LRRK1: variants seen among roughly 807,000 people sequenced by gnomAD.
LRRK1 encodes leucine rich repeat kinase 1, also known as leucine-rich repeat serine/threonine-protein kinase 1.
A neutral mutation model predicts 209.1 loss-of-function variants in LRRK1; 113 were observed. The observed-to-expected ratio is 0.54, with a 90% CI of 0.46 to 0.63. The LOEUF (loss-of-function observed/expected upper bound fraction) is 0.63. LRRK1 is among the 30% of genes least tolerant of loss of function. The pLI is 0.00. For synonymous variants in LRRK1, 1,144 were observed against 1,099.7 expected, an observed-to-expected ratio of 1.04 and a Z score of -0.80; for missense variants, 2,284 against 2,632.2, an observed-to-expected ratio of 0.87 and a Z score of 2.89.
chr15:100,996,078 G>A (rs1567221592), intron 6 of LRRK1, among the ~76,000 whole-genome samples: 1 of 152,254 alleles, frequency 6.6e-6, no homozygotes, highest in Non-Finnish European at 1.5e-5. Flanking sequence ...CTGAGCCAGG[G>A]CTGCGTGCTC....
rs2033479355 is a variant in LRRK1 at position 101,015,307 on chromosome 15, C to G, written c.1533-19C>G. The G allele has an allele frequency of 6.2e-7, 1 of 1,605,948 alleles. No individual in the cohort carries two copies. Among genetic ancestry groups the G allele is most frequent in the Admixed American group, 1.7e-5 (1 of 59,822 alleles). ...TTGTCGTGCTGTCCTCAAATTTTGT[C>G]TCTTTTTCCTCCCCCCAGAAATGAA... On this transcript the variant is annotated intron_variant, in intron 11 of 33. Coordinates refer to ENST00000388948, the MANE Select transcript of LRRK1 (RefSeq NM_024652.6).
chr15:101,030,746 GT>G (rs778004970), intron 20 of LRRK1, among the ~76,000 whole-genome samples: 1 of 152,148 alleles, frequency 6.6e-6, no homozygotes, highest in Non-Finnish European at 1.5e-5. Context: ...ACCTGCTTCT[GT>G]TTTTGTTTGT....
At chr15:101,056,791 G>A in intron 27 of LRRK1, 65 bp from the exon 28 acceptor site, 1 of 1,364,262 alleles carries the variant, frequency 7.3e-7, no homozygotes, top group Non-Finnish European at 1.0e-6. Context: ...CCCTCCACCT[G>A]AGGGCCACCT....
intron 20 of LRRK1, among the ~76,000 whole-genome samples, chr15:101,029,607 C>T (rs562345828): frequency 4.2e-4 from 64 of 152,208 alleles, no homozygotes; most frequent in Middle Eastern, 3.4e-3. Flanking sequence ...GTGGCTCACA[C>T]CTTTAATCCC....
intron 2 of LRRK1, among the ~76,000 whole-genome samples, chr15:100,967,400 T>C (rs984031261): frequency 9.2e-5 from 14 of 152,196 alleles, no homozygotes; most frequent in African/African-American, 3.4e-4. Context: ...TGGTCATCCA[T>C]TTACTTGGAT....
Position 101,021,168 on chromosome 15 carries a change from G to A in LRRK1, c.1725G>A (p.Glu575=). The A allele has an allele frequency of 6.2e-7, 1 of 1,614,030 alleles. No individual in the cohort carries two copies. Among genetic ancestry groups the A allele is most frequent in the Non-Finnish European group, 8.5e-7 (1 of 1,179,950 alleles). ...TTTGCCTACTGAAGAGCTTATCAGA[G>A]CTCTACTTGGGAAAGTAAGTACACA... The part of the protein sequence containing the change: ...PSVCLLKSLS[E]LYLGNNPGLR... The change falls in exon 13 of 34, where the codon GAG becomes GAA. Residue 575 remains glutamate, a synonymous_variant. Coordinates refer to ENST00000388948, the MANE Select transcript of LRRK1 (RefSeq NM_024652.6).
At chr15:100,987,449 A>G (rs2031934494) in intron 4 of LRRK1, among the ~76,000 whole-genome samples, 2 of 152,304 alleles carry the variant, frequency 1.3e-5, no homozygotes, top group African/African-American at 2.4e-5. Context: ...GCCCCCGTCA[A>G]TTCAATGTGC....
chr15:101,058,796 A>AACTC (rs1164467717), intron 29 of LRRK1, among the ~76,000 whole-genome samples: 10 of 151,918 alleles, frequency 6.6e-5, no homozygotes, highest in African/African-American at 2.4e-4. Flanking sequence ...TTAAAAAAAA[A>AACTC]ACTCAAGAGT....
At position 101,065,614 on chromosome 15, in the gene LRRK1, G is replaced by A. The variant is rs779753081; in HGVS notation, c.5177G>A (p.Arg1726Gln). The A allele has an allele frequency of 8.7e-6, 14 of 1,614,176 alleles. No homozygotes were observed. The highest frequency in any genetic ancestry group is 1.7e-5 in the Admixed American group (1 of 60,014). ...TGTGCCTCCCTGGAGATCTGCAGGC[G>A]GCTGGAGCCCTACATGGCCCCCTCC... ...IDCASLEICR[R>Q]LEPYMAPSMV... The change falls in exon 32 of 34, where the codon CGG becomes CAG. Residue 1726 changes from arginine (R) to glutamine (Q), a missense_variant. By Grantham distance (43) the Arg-to-Gln change is conservative. This residue lies in a region of LRRK1 where 643 missense variants were observed against 695.9 expected (regional missense o/e 0.92). Transcript: ENST00000388948.
intron 1 of LRRK1, among the ~76,000 whole-genome samples, chr15:100,923,673 G>A (rs750019342): frequency 2.0e-5 from 3 of 152,212 alleles, no homozygotes; most frequent in South Asian, 2.1e-4. Flanking sequence ...GCATAGAAGA[G>A]CAGCACTTGG....
chr15:100,950,733 ATTAT>A (rs1381876511), intron 2 of LRRK1, among the ~76,000 whole-genome samples: 2 of 152,226 alleles, frequency 1.3e-5, no homozygotes, highest in Admixed American at 1.3e-4. Flanking sequence ...ATATTTCCAA[ATTAT>A]TTATCTTTAA....
Position 100,944,819 on chromosome 15 carries a change from G to A in LRRK1, c.97+20090G>A, listed in dbSNP as rs56144836. On this transcript the variant is annotated intron_variant, in intron 2 of 33. Transcript: ENST00000388948. ...CTTTAGTTGTTTGAAAATGTCATAC[G>A]GTCTTATGGTTCAAAAATCATAAGT... is the stretch of plus-strand genomic sequence containing the variant. Among the ~76,000 whole-genome samples the A allele has an allele frequency of 9.6e-4, 146 of 152,222 alleles. 1 individual carries two copies. The highest frequency in any genetic ancestry group is 3.1e-3 in the African/African-American group (130 of 41,518).
chr15:100,931,191 T>C (rs763636419), intron 2 of LRRK1, among the ~76,000 whole-genome samples: 16 of 152,368 alleles, frequency 1.1e-4, no homozygotes, highest in Middle Eastern at 3.4e-3. Context: ...TATTTTCAAC[T>C]GTAAAGAACT....
chr15:100,941,416 G>GTA (rs2042421347), intron 2 of LRRK1, among the ~76,000 whole-genome samples: 1 of 101,928 alleles, frequency 9.8e-6, no homozygotes, highest in African/African-American at 5.3e-5. Context: ...GTGTCTCTGT[G>GTA]TGTGTGTGTG....
intron 2 of LRRK1, among the ~76,000 whole-genome samples, chr15:100,928,812 G>A (rs1176822939): frequency 6.6e-6 from 1 of 152,156 alleles, no homozygotes; most frequent in African/African-American, 2.4e-5. Flanking sequence ...GATGTGGGGG[G>A]CTTTGCCCAG....
Position 101,056,946 on chromosome 15 carries a change from A to G in LRRK1, c.4423A>G (p.Lys1475Glu). The G allele has an allele frequency of 6.2e-7, 1 of 1,614,180 alleles. No homozygotes were observed. The highest frequency in any genetic ancestry group is 1.1e-5 in the South Asian group (1 of 91,086). ...CCACCACCAGCTCCAGATTGCCAAGAAGCTGTCCAAGGGCATCCGCCCGGT... is the reference window on the plus strand; with the variant it reads ...CCACCACCAGCTCCAGATTGCCAAGGAGCTGTCCAAGGGCATCCGCCCGGT... ...LGHHQLQIAK[K>E]LSKGIRPVLG... Residue 1475 changes from lysine (K) to glutamate (E), a missense_variant, in exon 28 of 34, where the codon AAG (lysine) becomes GAG (glutamate). Coordinates refer to ENST00000388948, the MANE Select transcript of LRRK1 (RefSeq NM_024652.6).
chr15:100,992,929 G>A (rs1277714823), intron 6 of LRRK1, among the ~76,000 whole-genome samples: 3 of 152,190 alleles, frequency 2.0e-5, no homozygotes, highest in Non-Finnish European at 4.4e-5. Flanking sequence ...CCAAAGTGGT[G>A]GGATTACAGG....
At chr15:101,025,894 G>C in intron 16 of LRRK1, 71 bp from the exon 17 acceptor site, 2 of 1,552,584 alleles carry the variant, frequency 1.3e-6, no homozygotes, top group South Asian at 1.2e-5. Flanking sequence ...CACCTGCACA[G>C]CTGGGAGCTC....
chr15:101,036,346 A>G (rs562680147), intron 20 of LRRK1, among the ~76,000 whole-genome samples: 1 of 152,174 alleles, frequency 6.6e-6, no homozygotes, highest in South Asian at 2.1e-4. Flanking sequence ...CTTGTCTTCA[A>G]GTTCTGAGAT....
Sources: gnomAD v4.1 joint callset for allele counts (sites outside exome capture counted in the v4.1 genomes callset) on GRCh38, gnomAD v4.1.1 for gene constraint, gnomAD v4.1.1 regional missense constraint, MANE v1.5 for transcripts, NCBI Gene and HGNC (gene_info 2026-07-23, HGNC 2026-07-21) for gene names.